MCF2L: variants seen among roughly 807,000 people sequenced by gnomAD.
MCF2L encodes the protein guanine nucleotide exchange factor DBS.
In MCF2L, 97 loss-of-function variants were observed where a neutral mutation model predicts 153.4. The observed-to-expected ratio is 0.63, with a 90% CI of 0.54 to 0.75. The LOEUF (loss-of-function observed/expected upper bound fraction) is 0.75, where lower values mean the gene tolerates loss of function less well. Ranked by LOEUF, MCF2L falls within the 30% of genes least tolerant of loss-of-function variation. MCF2L has a pLI of 0.00. For synonymous variants in MCF2L, 659 were observed against 632.2 expected (o/e 1.04, Z -0.64); for missense variants, 1,347 against 1,495.2 (o/e 0.90, Z 1.64).
At chr13:113,021,408 G>A (rs2084877767) in intron 2 of MCF2L, among the ~76,000 whole-genome samples, 1 of 152,212 alleles carries the variant, frequency 6.6e-6, no homozygotes, top group South Asian at 2.1e-4. Context: ...CCCCTAGCGA[G>A]TGGATGTAGG....
At chr13:113,083,056 T>A (rs1304524443) in intron 17 of MCF2L, among the ~76,000 whole-genome samples, 1 of 152,170 alleles carries the variant, frequency 6.6e-6, no homozygotes, top group Admixed American at 6.5e-5. Flanking sequence ...GCCTCTCCAG[T>A]GCAGGTGGCC....
chr13:113,074,173 A>C lies in MCF2L; in HGVS notation c.997-271A>C, dbSNP rs1429379587. On this transcript the variant is annotated intron_variant, in intron 9 of 29. Coordinates refer to ENST00000535094, the MANE Select transcript of MCF2L (RefSeq NM_001112732.3). The surrounding 1 kb of genome is among the most constrained non-coding windows in gnomAD (Gnocchi z 4.2). ...TGCTGTTTTCAGGCGTGTGGTTGATAAACGGAGGCACACACAAGCCACAGA... is the reference window on the plus strand; with the variant it reads ...TGCTGTTTTCAGGCGTGTGGTTGATCAACGGAGGCACACACAAGCCACAGA... Among the ~76,000 whole-genome samples the C allele has an allele frequency of 3.9e-5, 6 of 152,146 alleles. No individual in the cohort carries two copies. Among genetic ancestry groups the C allele is most frequent in the Non-Finnish European group, 7.3e-5 (5 of 68,040 alleles).
chr13:113,059,589 C>T (rs150083791), intron 4 of MCF2L, among the ~76,000 whole-genome samples: 1 of 152,326 alleles, frequency 6.6e-6, no homozygotes, highest in African/African-American at 2.4e-5. Flanking sequence ...TCGAGAGCAA[C>T]CATCACTGCA....
upstream of MCF2L, among the ~76,000 whole-genome samples, chr13:112,966,473 C>A (rs1237605656): frequency 6.6e-6 from 1 of 152,222 alleles, no homozygotes; most frequent in Admixed American, 6.5e-5. This position sits in a 1 kb window ranked among gnomAD's most constrained non-coding sequence, Gnocchi z 4.1. Context: ...TCAAAGTCTA[C>A]TGATATAAGT....
rs1034308636 is a variant in MCF2L, at chr13:113,018,044, G to A, written c.163+3198G>A. On this transcript the variant is annotated intron_variant, in intron 2 of 29. Transcript: ENST00000535094. ...CCATGGCTGCCACTGTGACATGTGC[G>A]GTCCCGTCTTCTCCCTCCATTGTCT... Among the ~76,000 whole-genome samples, 10 of 152,196 alleles carry A rather than the reference G, an allele frequency of 6.6e-5. No individual in the cohort carries two copies. The East Asian group carries it at 1.3e-3, about 21-fold the overall frequency.
At chr13:113,081,472 G>T (rs2034130573) in intron 16 of MCF2L, among the ~76,000 whole-genome samples, 193 bp downstream of exon 16, 1 of 152,386 alleles carries the variant, frequency 6.6e-6, no homozygotes, top group South Asian at 2.1e-4. Flanking sequence ...AGACCAGGCA[G>T]CTCAGGGGGG....
chr13:112,928,205 C>T (rs1036234350), intron 2 of MCF2L, among the ~76,000 whole-genome samples: 6 of 152,276 alleles, frequency 3.9e-5, no homozygotes, highest in African/African-American at 1.2e-4. Context: ...GCTGGGGATG[C>T]GGGTGAAACG....
chr13:113,059,834 G>T (rs1030544140), intron 4 of MCF2L, among the ~76,000 whole-genome samples: 1 of 152,228 alleles, frequency 6.6e-6, no homozygotes. Context: ...GTCCAAGGCC[G>T]TGTGTGCACA....
rs374217377 is a variant in MCF2L at position 113,070,017 on chromosome 13, C to T, written c.882-42C>T. Reference sequence around the variant, plus strand: ...CCACCGCGCTCCACGTTGCATGGGGCGCCGTGGGCCACACAGACGGTCAAC... The same window carrying T: ...CCACCGCGCTCCACGTTGCATGGGGTGCCGTGGGCCACACAGACGGTCAAC... On this transcript the variant is annotated intron_variant, in intron 8 of 29. Coordinates refer to ENST00000535094, the MANE Select transcript of MCF2L (RefSeq NM_001112732.3). The surrounding 1 kb of genome is among the most constrained non-coding windows in gnomAD (Gnocchi z 5.6). 6.5e-5 allele frequency: 94 copies of T among 1,438,252 alleles called. No individual in the cohort carries two copies. In the African/African-American group the frequency reaches 1.2e-3, roughly 18 times the overall value. The allele number at this position is 1,438,252 out of a possible 1,614,324, so 89.1% of individuals were successfully genotyped here. A position where few individuals can be genotyped will look rare whatever the true frequency, so the allele number is the denominator to read the frequency against.
chr13:113,082,784 C>G (rs923784086), intron 17 of MCF2L, among the ~76,000 whole-genome samples: 2 of 152,154 alleles, frequency 1.3e-5, no homozygotes, highest in Non-Finnish European at 2.9e-5. Flanking sequence ...GAGCCGCCAG[C>G]CGTGAGGAGA....
chr13:113,023,653 G>T (rs2085046764), intron 2 of MCF2L, among the ~76,000 whole-genome samples: 2 of 152,194 alleles, frequency 1.3e-5, no homozygotes, highest in South Asian at 4.1e-4. Flanking sequence ...AGCTTGAAAA[G>T]CCCTATTTTA....
intron 3 of MCF2L, among the ~76,000 whole-genome samples, chr13:113,036,744 G>C (rs905982907): frequency 7.9e-5 from 12 of 152,228 alleles, no homozygotes; most frequent in Non-Finnish European, 1.5e-4. Context: ...TGTTCCTCCT[G>C]CCTCCTGGCT....
chr13:112,943,536 T>C lies in MCF2L; in HGVS notation c.169+41165T>C, dbSNP rs912678227. Reference sequence around the variant, plus strand: ...CCGGCGCGGTGCCTTCCAGGGAGGCTGCGCCTGCAGCACCGCAGCCAGAGC... The same window carrying C: ...CCGGCGCGGTGCCTTCCAGGGAGGCCGCGCCTGCAGCACCGCAGCCAGAGC... On this transcript the variant is annotated intron_variant, in intron 2 of 29. Coordinates refer to the MCF2L transcript ENST00000375608. This position sits in a 1 kb window ranked among gnomAD's most constrained non-coding sequence, Gnocchi z 4.2. Among the ~76,000 whole-genome samples, 1 of 151,884 alleles carries C rather than the reference T, an allele frequency of 6.6e-6. No individual in the cohort carries two copies. The highest frequency in any genetic ancestry group is 2.4e-5 in the African/African-American group (1 of 41,348).
At chr13:113,001,782 A>G in intron 1 of MCF2L, 1 of 1,410,134 alleles carries the variant, frequency 7.1e-7, no homozygotes, top group Non-Finnish European at 9.2e-7. Flanking sequence ...AGGTCTGCCC[A>G]GCAAACCCAG....
rs112519353 is a variant in MCF2L, at chr13:112,976,894, C to T, written c.79+7436C>T. On this transcript the variant is annotated intron_variant, in intron 1 of 29. Coordinates refer to ENST00000535094, the MANE Select transcript of MCF2L (RefSeq NM_001112732.3). Reference sequence around the variant, plus strand: ...GTTGGGGTCGCCCAGTCGGACAGTGCGGGGCTTCCCAGTGCTGCTGTCACT... The same window carrying T: ...GTTGGGGTCGCCCAGTCGGACAGTGTGGGGCTTCCCAGTGCTGCTGTCACT... 3.7e-3 allele frequency among the ~76,000 whole-genome samples: 568 copies of T among 152,286 alleles called. 2 individuals are homozygous for T. The highest frequency in any genetic ancestry group is 0.013 in the African/African-American group (544 of 41,556).
intron 3 of MCF2L, among the ~76,000 whole-genome samples, chr13:113,034,771 G>A (rs1474514297): frequency 6.6e-6 from 1 of 152,228 alleles, no homozygotes; most frequent in Admixed American, 6.5e-5. Context: ...CAGTGTCTGT[G>A]CTCAGGGTCC....
intron 2 of MCF2L, among the ~76,000 whole-genome samples, chr13:112,936,302 AAGAC>A (rs2081514612): frequency 6.7e-6 from 1 of 149,898 alleles, no homozygotes; most frequent in Non-Finnish European, 1.5e-5. Flanking sequence ...AAAAAAAAAA[AAGAC>A]CCAGTCCTGC....
At chr13:113,030,004 T>C (rs1029023734) in intron 3 of MCF2L, among the ~76,000 whole-genome samples, 2 of 152,252 alleles carry the variant, frequency 1.3e-5, no homozygotes, top group Admixed American at 6.5e-5. Context: ...ATTTTAACTT[T>C]CCTTCTGTTT....
At position 113,026,313 on chromosome 13, in the gene MCF2L, G is replaced by C. The variant is rs547563283; in HGVS notation, c.278+1555G>C. On this transcript the variant is annotated intron_variant, in intron 3 of 29. Transcript: ENST00000535094. ...GTCCCCGTGACTGCAGGATGAATTA[G>C]GGTCTCTGGGAGCCATCATTGAGTT... Among the ~76,000 whole-genome samples the C allele has an allele frequency of 2.0e-5, 3 of 152,352 alleles. No homozygotes were observed. In the South Asian group the frequency reaches 6.2e-4, roughly 32 times the overall value.
Sources: gnomAD v4.1 joint callset for allele counts (sites outside exome capture counted in the v4.1 genomes callset) on GRCh38, gnomAD v4.1.1 for gene constraint, Gnocchi (gnomAD v3.1) non-coding constraint, MANE v1.5 for transcripts, NCBI Gene and HGNC (gene_info 2026-07-23, HGNC 2026-07-21) for gene names.